PREX1: variants seen among roughly 807,000 people sequenced by gnomAD.
PREX1 encodes the protein phosphatidylinositol-3,4,5-trisphosphate dependent Rac exchange factor 1, also known as phosphatidylinositol 3,4,5-trisphosphate-dependent Rac exchanger 1 protein.
In PREX1, 41 loss-of-function variants were observed where a neutral mutation model predicts 198.3. The observed-to-expected ratio is 0.21, with a 90% CI of 0.16 to 0.27. The LOEUF (loss-of-function observed/expected upper bound fraction) is 0.27. Among genes scored for constraint, PREX1 ranks in the 10% least tolerant of loss-of-function variants. The pLI is 1.00. For synonymous variants in PREX1, 843 were observed against 887.2 expected (o/e 0.95, Z 0.89); for missense variants, 1,620 against 2,200.7 (o/e 0.74, Z 5.28).
At chr20:48,664,368 C>A (rs2089619403) in intron 15 of PREX1, among the ~76,000 whole-genome samples, 1 of 142,446 alleles carries the variant, frequency 7.0e-6, no homozygotes, top group African/African-American at 2.5e-5. Flanking sequence ...GAGCAAGACT[C>A]CGTCTGAAAA....
At chr20:48,797,897 C>A (rs2090370316) in intron 1 of PREX1, among the ~76,000 whole-genome samples, 1 of 152,220 alleles carries the variant, frequency 6.6e-6, no homozygotes. Context: ...CCTCAAGATT[C>A]CTCAGCCTGG....
intron 1 of PREX1, among the ~76,000 whole-genome samples, chr20:48,782,201 T>A (rs1433844271): frequency 6.6e-6 from 1 of 152,184 alleles, no homozygotes; most frequent in Non-Finnish European, 1.5e-5. Flanking sequence ...TCAAATCTCA[T>A]CTCGAATTGT....
At chr20:48,683,302 C>A (rs1385625990) in intron 10 of PREX1, among the ~76,000 whole-genome samples, 1 of 152,200 alleles carries the variant, frequency 6.6e-6, no homozygotes, top group East Asian at 1.9e-4. Flanking sequence ...CAGAAGAAGA[C>A]GGCCCAGAGG....
chr20:48,872,203 T>A, the PREX1 span, among the ~76,000 whole-genome samples: 2 of 151,562 alleles, frequency 1.3e-5, no homozygotes, highest in African/African-American at 2.4e-5. Context: ...TCACTTGTTC[T>A]CCTCCGTGAC....
chr20:48,884,294 G>T, the PREX1 span, among the ~76,000 whole-genome samples: 10 of 152,236 alleles, frequency 6.6e-5, no homozygotes, highest in African/African-American at 2.2e-4. Flanking sequence ...TTACTATAAG[G>T]TCACAATAAT....
In PREX1 at chr20:48,810,099, T is replaced by G. The variant is rs148768971; in HGVS notation, c.219+17543A>C. Among the ~76,000 whole-genome samples the G allele has an allele frequency of 1.9e-3, 290 of 152,294 alleles. 2 individuals are homozygous for G. The highest frequency in any genetic ancestry group is 6.4e-3 in the African/African-American group (264 of 41,552). ...GGCTCCTTAGTAAAAGCAATGACTA[T>G]TGTATCCTTTTAACAGAGAAGAGTG... On this transcript the variant is annotated intron_variant, in intron 1 of 39. Transcript: ENST00000371941.
intron 1 of PREX1, among the ~76,000 whole-genome samples, chr20:48,800,431 T>C (rs1330231889): frequency 6.6e-6 from 1 of 152,182 alleles, no homozygotes; most frequent in Admixed American, 6.5e-5. Flanking sequence ...ACTTGACTTA[T>C]CAGTGAGAAT....
upstream of PREX1, chr20:48,828,028 A>T (rs920540010): frequency 6.6e-6 from 1 of 151,432 alleles, no homozygotes; most frequent in Non-Finnish European, 1.4e-5. Context: ...CCGGGGGCGG[A>T]GGCAGCGCGC....
chr20:48,685,638 C>T (rs867935664), intron 10 of PREX1, among the ~76,000 whole-genome samples: 18 of 152,274 alleles, frequency 1.2e-4, no homozygotes, highest in Admixed American at 3.9e-4. Context: ...GTGATAAAGA[C>T]AAATCAGGCC....
chr20:48,792,265 G>A (rs998376538), intron 1 of PREX1, among the ~76,000 whole-genome samples: 4 of 152,060 alleles, frequency 2.6e-5, no homozygotes, highest in African/African-American at 9.7e-5. Context: ...GAGGTCAGGA[G>A]TTCGAGACCA....
chr20:48,872,700 C>T, the PREX1 span, among the ~76,000 whole-genome samples: 2 of 152,080 alleles, frequency 1.3e-5, no homozygotes, highest in Non-Finnish European at 2.9e-5. Flanking sequence ...GAGCCGAGAT[C>T]GTGTCATTGC....
intron 33 of PREX1, among the ~76,000 whole-genome samples, chr20:48,633,116 G>T (rs997461908): frequency 6.6e-6 from 1 of 152,208 alleles, no homozygotes; most frequent in Non-Finnish European, 1.5e-5. Flanking sequence ...ATGGCACCCA[G>T]ACCCCATCCT....
intron 1 of PREX1, among the ~76,000 whole-genome samples, chr20:48,749,296 G>C (rs983591338): frequency 6.6e-6 from 1 of 152,172 alleles, no homozygotes; most frequent in African/African-American, 2.4e-5. Context: ...GAGCTGTGGG[G>C]CCTATCAGTC....
At chr20:48,817,604 C>A (rs928558233) in intron 1 of PREX1, among the ~76,000 whole-genome samples, 2 of 152,136 alleles carry the variant, frequency 1.3e-5, no homozygotes, top group African/African-American at 4.8e-5. Context: ...CAGACCCAGA[C>A]AATCTGGCTA....
chr20:48,670,519 G>A (rs1334535323), intron 14 of PREX1, among the ~76,000 whole-genome samples: 1 of 152,194 alleles, frequency 6.6e-6, no homozygotes, highest in Non-Finnish European at 1.5e-5. Flanking sequence ...GCAGCCTGGG[G>A]CATCCTGGAG....
chr20:48,692,444 G>A (rs1476753017), intron 8 of PREX1: 1 of 437,056 alleles, frequency 2.3e-6, no homozygotes. Flanking sequence ...ACTTCTAGGG[G>A]GAAGAAGGCA....
intron 14 of PREX1, among the ~76,000 whole-genome samples, chr20:48,675,866 G>A (rs1045459724): frequency 7.9e-5 from 12 of 151,972 alleles, no homozygotes; most frequent in South Asian, 2.1e-4. Context: ...GTGAAACCCC[G>A]ACTCTACTAA....
intron 1 of PREX1, among the ~76,000 whole-genome samples, chr20:48,764,961 C>T (rs1240870540): frequency 6.6e-6 from 1 of 151,984 alleles, no homozygotes; most frequent in East Asian, 1.9e-4. Flanking sequence ...TCTCCCCAGA[C>T]CCCCCAGGAG....
At chr20:48,690,868 C>A in intron 9 of PREX1, 79 bp downstream of exon 9, 1 of 1,590,010 alleles carries the variant, frequency 6.3e-7, no homozygotes, top group Non-Finnish European at 8.6e-7. Context: ...TATGCCCCTT[C>A]CCTAGACACA....
Sources: gnomAD v4.1 joint callset for allele counts (sites outside exome capture counted in the v4.1 genomes callset) on GRCh38, gnomAD v4.1.1 for gene constraint, MANE v1.5 for transcripts, NCBI Gene and HGNC (gene_info 2026-07-23, HGNC 2026-07-21) for gene names.